PRICKLE2: variants seen among roughly 807,000 people sequenced by gnomAD.
PRICKLE2 encodes prickle planar cell polarity protein 2.
Under a neutral mutation model 81.4 loss-of-function variants are expected in PRICKLE2, and 21 were observed. The ratio of observed to expected loss-of-function variants is 0.26; its 90% CI spans 0.18 to 0.37. PRICKLE2 has a LOEUF of 0.37. Ranked by LOEUF, PRICKLE2 falls within the 10% of genes least tolerant of loss-of-function variation. The pLI is 1.00. For synonymous variants in PRICKLE2, 456 were observed against 421.5 expected (o/e 1.08, Z -1.00); for missense variants, 940 against 1,109.0 (o/e 0.85, Z 2.16).
intron 2 of PRICKLE2, among the ~76,000 whole-genome samples, chr3:64,234,817 G>A: frequency 6.6e-6 from 1 of 151,782 alleles, no homozygotes; most frequent in South Asian, 2.1e-4. Flanking sequence ...TTTTCTTTTT[G>A]TCTTTCAACA....
At chr3:64,256,502 C>T (rs191036031) in intron 2 of PRICKLE2, among the ~76,000 whole-genome samples, 22 of 152,282 alleles carry the variant, frequency 1.4e-4, no homozygotes, top group South Asian at 4.1e-4. Context: ...TTTGGCTCTA[C>T]ACAGAAAAAG....
chr3:64,260,928 TC>T (rs2079607016), intron 2 of PRICKLE2, among the ~76,000 whole-genome samples: 1 of 152,156 alleles, frequency 6.6e-6, no homozygotes, highest in African/African-American at 2.4e-5. Flanking sequence ...AACTTTTGGA[TC>T]CCAAATCAAT....
chr3:64,252,603 C>T (rs916095095), intron 2 of PRICKLE2, among the ~76,000 whole-genome samples: 1 of 152,190 alleles, frequency 6.6e-6, no homozygotes, highest in Admixed American at 6.5e-5. Flanking sequence ...GCAGCATGAG[C>T]TTTTCCCCCA....
intron 2 of PRICKLE2, among the ~76,000 whole-genome samples, chr3:64,263,536 TAC>T (rs1160185174): frequency 6.6e-6 from 1 of 152,158 alleles, no homozygotes; most frequent in African/African-American, 2.4e-5. Flanking sequence ...TCCACAGGAT[TAC>T]ACTCAGAATG....
Position 64,215,181 on chromosome 3 carries a change from T to C in PRICKLE2, c.-41+9729A>G, listed in dbSNP as rs561165784. 8.5e-5 allele frequency among the ~76,000 whole-genome samples: 13 copies of C among 152,264 alleles called. No individual in the cohort carries two copies. In the South Asian group the frequency reaches 2.7e-3, roughly 32 times the overall value. On this transcript the variant is annotated intron_variant, in intron 1 of 7. Transcript: ENST00000638394. The stretch of plus-strand genomic sequence containing the variant: ...ATAGCCTACAAGACCCTATATAACC[T>C]GGTCTGTTCCTCTCTCCCCAAATTT...
chr3:64,217,164 T>C (rs969325399), intron 1 of PRICKLE2, among the ~76,000 whole-genome samples: 1 of 151,962 alleles, frequency 6.6e-6, no homozygotes, highest in Non-Finnish European at 1.5e-5. Flanking sequence ...GTAAAGGAGG[T>C]ATTCCTCTGA....
intron 2 of PRICKLE2, among the ~76,000 whole-genome samples, chr3:64,256,163 G>A (rs960085802): frequency 6.6e-6 from 1 of 152,156 alleles, no homozygotes; most frequent in African/African-American, 2.4e-5. Context: ...GGCTCAGCCA[G>A]AATGTAAATA....
At chr3:64,161,478 T>A (rs888780682) in intron 3 of PRICKLE2, among the ~76,000 whole-genome samples, 31 of 152,064 alleles carry the variant, frequency 2.0e-4, no homozygotes, top group African/African-American at 7.5e-4. Context: ...GTCTTATCTA[T>A]GCAAAAAAGA....
rs2077742029 is a variant in PRICKLE2 at position 64,161,920 on chromosome 3, T to C, written c.258+1096A>G. ...CAGGTTACAATGCTTGCTCTCAACT[T>C]TAAAGGAGAAAGCATTATTTATATT... On this transcript the variant is annotated intron_variant, in intron 3 of 7. Coordinates refer to ENST00000638394, the MANE Select transcript of PRICKLE2 (RefSeq NM_198859.4). 2.6e-5 allele frequency among the ~76,000 whole-genome samples: 4 copies of C among 152,094 alleles called. No individual in the cohort carries two copies. In the South Asian group the frequency reaches 6.2e-4, roughly 24 times the overall value.
At position 64,099,773 on chromosome 3, in the gene PRICKLE2, C is replaced by A. The variant is rs387906989; in HGVS notation, c.1813G>T (p.Val605Phe). ...TGCTGGGCAGAGAGCAGGCTGCGAACTGACTCTGCGCTCCGGAACTGCATG... is the reference window on the plus strand; with the variant it reads ...TGCTGGGCAGAGAGCAGGCTGCGAAATGACTCTGCGCTCCGGAACTGCATG... The part of the protein sequence containing the change: ...SSMQFRSAES[V>F]RSLLSAQQYQ... Residue 605 changes from valine (V) to phenylalanine (F), a missense_variant, in exon 8 of 8, where the codon GTT (valine) becomes TTT (phenylalanine). Transcript: ENST00000638394. The surrounding 1 kb of genome is among the most constrained non-coding windows in gnomAD (Gnocchi z 4.3). 1.5e-5 allele frequency: 24 copies of A among 1,614,116 alleles called. No individual in the cohort carries two copies. The highest frequency in any genetic ancestry group is 1.9e-5 in the Non-Finnish European group (22 of 1,180,052).
Position 64,146,968 on chromosome 3 carries a change from C to T in PRICKLE2, c.1522G>A (p.Glu508Lys). ...TGAGTGGACAAGCCCCCTTCCTCTT[C>T]CTCTTCCTCCTCATATTTGGGGACT... ...IQVPKYEEEE[E>K]EEGGLSTQQC... The change falls in exon 7 of 8, where the codon GAA (glutamate) becomes AAA (lysine). Residue 508 changes from glutamate to lysine, a missense_variant. Coordinates refer to ENST00000638394, the MANE Select transcript of PRICKLE2 (RefSeq NM_198859.4). 6.2e-7 allele frequency: 1 copy of T among 1,614,140 alleles called. No homozygotes were observed. The highest frequency in any genetic ancestry group is 1.1e-5 in the South Asian group (1 of 91,088).
At chr3:64,177,874 C>A (rs2078053191) in intron 2 of PRICKLE2, among the ~76,000 whole-genome samples, 1 of 152,108 alleles carries the variant, frequency 6.6e-6, no homozygotes, top group Non-Finnish European at 1.5e-5. Context: ...TGTTGGCGTA[C>A]AATTATGTTT....
intron 1 of PRICKLE2, among the ~76,000 whole-genome samples, chr3:64,216,361 T>C (rs2078871892): frequency 6.6e-6 from 1 of 152,188 alleles, no homozygotes; most frequent in African/African-American, 2.4e-5. Flanking sequence ...TTCTGTCCAG[T>C]CCTTTGCTGT....
At chr3:64,256,465 G>A (rs2079527087) in intron 2 of PRICKLE2, among the ~76,000 whole-genome samples, 1 of 152,092 alleles carries the variant, frequency 6.6e-6, no homozygotes. Context: ...TTTGCCTCTT[G>A]ACTTGCATAA....
chr3:64,209,053 C>A (rs62251780), intron 1 of PRICKLE2, among the ~76,000 whole-genome samples: 1 of 152,072 alleles, frequency 6.6e-6, no homozygotes, highest in African/African-American at 2.4e-5. Context: ...ATCCATCCAC[C>A]TGTCTATCCA....
intron 3 of PRICKLE2, among the ~76,000 whole-genome samples, chr3:64,161,574 TCA>T (rs2077734367): frequency 6.6e-6 from 1 of 152,062 alleles, no homozygotes; most frequent in African/African-American, 2.4e-5. Context: ...GCCCACTGGG[TCA>T]CACACACACA....
At chr3:64,250,958 C>T (rs1247365993) in intron 2 of PRICKLE2, among the ~76,000 whole-genome samples, 1 of 152,192 alleles carries the variant, frequency 6.6e-6, no homozygotes, top group African/African-American at 2.4e-5. Flanking sequence ...ACCCTCAGCC[C>T]AACCCCAGCA....
At chr3:64,135,054 G>A (rs759827380) in intron 7 of PRICKLE2, among the ~76,000 whole-genome samples, 20 of 152,192 alleles carry the variant, frequency 1.3e-4, no homozygotes, top group Non-Finnish European at 2.5e-4. Context: ...AAAGCTCAAT[G>A]TCAGAATCAG....
intron 7 of PRICKLE2, among the ~76,000 whole-genome samples, chr3:64,128,829 C>T (rs1289526239): frequency 2.7e-5 from 4 of 150,812 alleles, no homozygotes; most frequent in African/African-American, 7.3e-5. Flanking sequence ...TTTCACAGTA[C>T]ATATCCCCTC....
Sources: allele counts gnomAD v4.1 joint callset (sites outside exome capture counted in the v4.1 genomes callset), GRCh38; gene constraint gnomAD v4.1.1; non-coding constraint Gnocchi (gnomAD v3.1); transcripts MANE v1.5; gene names NCBI Gene and HGNC (gene_info 2026-07-23, HGNC 2026-07-21).